The following C5 variants were observed in gnomAD, a reference collection of about 807,000 sequenced individuals.
C5 encodes the protein complement C5.
In C5, 140 loss-of-function variants were observed where a neutral mutation model predicts 218.8. That is an observed-to-expected ratio of 0.64 (90% CI 0.56 to 0.74). The LOEUF is 0.74. C5 is among the 30% of genes least tolerant of loss of function. C5 has a pLI of 0.00. For synonymous variants in C5, 614 were observed against 682.3 expected (o/e 0.90, Z 1.56); for missense variants, 1,700 against 1,969.6 (o/e 0.86, Z 2.59).
In C5 at chr9:120,972,009, G is replaced by A. The variant is rs1233690435; in HGVS notation, c.4018-17C>T. ...GAGAAGCACCTGGAAAGATAATAGA[G>A]AAACAAACCATGCTTTCTTTCATCA... On this transcript the variant is annotated splice_polypyrimidine_tract_variant and intron_variant, in intron 30 of 40. Transcript: ENST00000223642. 6 of 1,605,300 alleles carry A rather than the reference G, an allele frequency of 3.7e-6. No homozygotes were observed. Among genetic ancestry groups the A allele is most frequent in the Non-Finnish European group, 5.1e-6 (6 of 1,173,168 alleles).
intron 20 of C5, among the ~76,000 whole-genome samples, chr9:121,002,413 A>G (rs988713431): frequency 6.0e-5 from 9 of 149,202 alleles, no homozygotes; most frequent in Admixed American, 2.0e-4. Flanking sequence ...GCTGATCTCA[A>G]TCCTACAGTT....
chr9:121,023,557 G>C (rs2131778978), intron 9 of C5, 38 bp from the exon 10 acceptor site: 2 of 1,151,504 alleles, frequency 1.7e-6, no homozygotes, highest in Non-Finnish European at 1.3e-6. Flanking sequence ...CAGTTTTTAG[G>C]AGTATCATGA....
At chr9:120,988,405 C>T (rs551032829) in intron 25 of C5, among the ~76,000 whole-genome samples, 1 of 152,196 alleles carries the variant, frequency 6.6e-6, no homozygotes, top group South Asian at 2.1e-4. Context: ...AGAGGCCTCC[C>T]CAAGGTGACA....
intron 33 of C5, 38 bp downstream of exon 33, chr9:120,969,023 C>G: frequency 2.6e-6 from 4 of 1,547,526 alleles, no homozygotes; most frequent in Non-Finnish European, 3.6e-6. Context: ...AAAATGAGAA[C>G]TTGGAGTCTA....
At chr9:120,968,110 G>A (rs972464162) in intron 33 of C5, among the ~76,000 whole-genome samples, 1 of 152,162 alleles carries the variant, frequency 6.6e-6, no homozygotes, top group Non-Finnish European at 1.5e-5. Flanking sequence ...CTAATCCCCT[G>A]AACCTGTGAA....
chr9:121,042,303 T>C (rs189490831), intron 3 of C5, among the ~76,000 whole-genome samples: 66 of 152,374 alleles, frequency 4.3e-4, no homozygotes, highest in East Asian at 9.6e-4. Flanking sequence ...CCTATTCACA[T>C]GATTTTGATT....
intron 25 of C5, among the ~76,000 whole-genome samples, chr9:120,987,499 C>A (rs1405659469): frequency 2.0e-5 from 3 of 151,442 alleles, no homozygotes; most frequent in Non-Finnish European, 4.4e-5. Context: ...AAAAATTAGG[C>A]ATGGTGGTGC....
intron 15 of C5, 26 bp downstream of exon 15, chr9:121,016,228 A>G: frequency 6.2e-7 from 1 of 1,613,536 alleles, no homozygotes; most frequent in Non-Finnish European, 8.5e-7. Flanking sequence ...TGGGATTTTC[A>G]GTAATAAACA....
chr9:121,023,350 T>G lies in C5; in HGVS notation c.1116+54A>C, dbSNP rs2047383166. ...CTGTTTGCCACCCACATGTTTTCCATGAACAGAACAAGATGATCATATGTA... is the reference window on the plus strand; with the variant it reads ...CTGTTTGCCACCCACATGTTTTCCAGGAACAGAACAAGATGATCATATGTA... On this transcript the variant is annotated intron_variant, in intron 10 of 40. Coordinates refer to ENST00000223642, the MANE Select transcript of C5 (RefSeq NM_001735.3). 3 of 1,109,786 alleles carry G rather than the reference T, an allele frequency of 2.7e-6. No individual in the cohort carries two copies. The African/African-American group carries it at 4.6e-5, about 17-fold the overall frequency. The allele number at this position is 1,109,786 out of a possible 1,614,324, so 68.7% of individuals were successfully genotyped here. A position where few individuals can be genotyped will look rare whatever the true frequency, so the allele number is the denominator to read the frequency against.
intron 39 of C5, chr9:120,957,072 A>C (rs775273883): frequency 2.2e-6 from 1 of 464,934 alleles, no homozygotes; most frequent in South Asian, 2.2e-5. Context: ...TGAAAAAAAC[A>C]TTTTGCTGAA....
intron 6 of C5, among the ~76,000 whole-genome samples, chr9:121,031,402 T>C (rs2047473310): frequency 6.6e-6 from 1 of 152,188 alleles, no homozygotes; most frequent in South Asian, 2.1e-4. Flanking sequence ...TTGTCACTAA[T>C]TGGTTTTAAG....
At chr9:121,069,484 C>T in the C5 span, among the ~76,000 whole-genome samples, 1 of 151,802 alleles carries the variant, frequency 6.6e-6, no homozygotes, top group East Asian at 1.9e-4. Context: ...ATTATCAAGA[C>T]AGCAAACAAC....
chr9:120,969,306 G>A (rs927367427), intron 32 of C5, among the ~76,000 whole-genome samples, 188 bp from the exon 33 acceptor site: 3 of 152,086 alleles, frequency 2.0e-5, no homozygotes, highest in Non-Finnish European at 4.4e-5. Flanking sequence ...ACAATACCAG[G>A]AAGTCTTTAA....
chr9:121,065,021 G>T, the C5 span, among the ~76,000 whole-genome samples: 1 of 152,136 alleles, frequency 6.6e-6, no homozygotes, highest in Non-Finnish European at 1.5e-5. Flanking sequence ...AGTAGGCCAA[G>T]ATTGTGCCAC....
At chr9:121,022,565 C>A (rs1336639038) in intron 10 of C5, among the ~76,000 whole-genome samples, 1 of 149,188 alleles carries the variant, frequency 6.7e-6, no homozygotes, top group East Asian at 1.9e-4. Context: ...AAGCCCATGA[C>A]CCACAGTAAA....
intron 25 of C5, among the ~76,000 whole-genome samples, chr9:120,988,089 C>T (rs1261206064): frequency 6.6e-6 from 1 of 152,168 alleles, no homozygotes; most frequent in Non-Finnish European, 1.5e-5. Flanking sequence ...CCATGCCCAG[C>T]CGGTATTTTT....
intron 30 of C5, among the ~76,000 whole-genome samples, chr9:120,973,607 G>T (rs947585748): frequency 6.6e-6 from 1 of 152,124 alleles, no homozygotes; most frequent in Non-Finnish European, 1.5e-5. Context: ...CTTAAATGTT[G>T]GCATATATCT....
At chr9:121,028,157 C>T (rs2047441491) in intron 7 of C5, among the ~76,000 whole-genome samples, 1 of 152,180 alleles carries the variant, frequency 6.6e-6, no homozygotes, top group African/African-American at 2.4e-5. Flanking sequence ...CCATCTCACA[C>T]CAGTTAGAAT....
chr9:120,988,472 G>A (rs1206923885), intron 25 of C5, among the ~76,000 whole-genome samples: 3 of 152,170 alleles, frequency 2.0e-5, no homozygotes, highest in Non-Finnish European at 2.9e-5. Context: ...CTAAGGAGGA[G>A]TATTCCAGAC....
Sources: gnomAD v4.1 joint callset for allele counts (sites outside exome capture counted in the v4.1 genomes callset) on GRCh38, gnomAD v4.1.1 for gene constraint, MANE v1.5 for transcripts, NCBI Gene and HGNC (gene_info 2026-07-23, HGNC 2026-07-21) for gene names.